ARHGAP32: variants seen among roughly 807,000 people sequenced by gnomAD.
ARHGAP32 encodes the protein rho GTPase-activating protein 32.
A neutral mutation model predicts 186.5 loss-of-function variants in ARHGAP32; 51 were observed. That is an observed-to-expected ratio of 0.27 (90% CI 0.22 to 0.35). ARHGAP32 has a LOEUF of 0.35. Ranked by LOEUF, ARHGAP32 falls within the 10% of genes least tolerant of loss-of-function variation. The probability of loss-of-function intolerance (pLI) is 1.00; values close to 1 mark genes in which losing one functional copy is unlikely to be tolerated. For synonymous variants in ARHGAP32, 950 were observed against 964.3 expected (o/e 0.99, Z 0.27); for missense variants, 2,186 against 2,623.5 (o/e 0.83, Z 3.64).
rs57291313 is a variant in ARHGAP32 at position 129,235,900 on chromosome 11, A to AACACACACACACAC, written c.-5+43232_-5+43245dup. Among the ~76,000 whole-genome samples, 855 of 145,740 alleles carry AACACACACACACAC rather than the reference A, an allele frequency of 5.9e-3. 9 individuals are homozygous for AACACACACACACAC. The highest frequency in any genetic ancestry group is 0.016 in the African/African-American group (627 of 38,862). On this transcript the variant is annotated intron_variant, in intron 1 of 6. Transcript: ENST00000525234. ...TGCAAATGCCATTATGTCATTCATA[A>AACACACACACACAC]ACACACACACACACACACACACACA...
At chr11:129,278,150 T>C (rs1945556511) in intron 1 of ARHGAP32, among the ~76,000 whole-genome samples, 1 of 152,172 alleles carries the variant, frequency 6.6e-6, no homozygotes, top group South Asian at 2.1e-4. Context: ...CAGACTGACT[T>C]AAAAGGTCTA....
At chr11:129,263,059 TAG>T (rs1945345758) in intron 1 of ARHGAP32, among the ~76,000 whole-genome samples, 2 of 152,144 alleles carry the variant, frequency 1.3e-5, no homozygotes. Flanking sequence ...AAAATGAAAT[TAG>T]AGTCTTACCT....
At chr11:128,980,791 G>C in intron 17 of ARHGAP32, 43 bp from the exon 18 acceptor site, 1 of 1,414,566 alleles carries the variant, frequency 7.1e-7, no homozygotes, top group African/African-American at 1.4e-5. Flanking sequence ...TCAACTACGT[G>C]AGTGTATTCA....
intron 11 of ARHGAP32, among the ~76,000 whole-genome samples, chr11:129,024,860 C>A (rs975661901): frequency 1.3e-5 from 2 of 152,052 alleles, no homozygotes; most frequent in Non-Finnish European, 2.9e-5. Flanking sequence ...CAATTCGTGA[C>A]TTTTTAAAGC....
Position 129,152,225 on chromosome 11 carries a change from G to A in ARHGAP32, c.225+12094C>T, listed in dbSNP as rs368558662. On this transcript the variant is annotated intron_variant, in intron 2 of 22. Transcript: ENST00000682385. ...GTCTGTTCAGAGTTCAACAAGTAGT[G>A]AGATTCAAACAGTAATTTTTAAAAT... Among the ~76,000 whole-genome samples the A allele has an allele frequency of 1.4e-4, 22 of 152,160 alleles. No homozygotes were observed. The East Asian group carries it at 4.0e-3, about 28-fold the overall frequency.
intron 2 of ARHGAP32, among the ~76,000 whole-genome samples, chr11:129,141,994 A>G (rs988420081): frequency 6.6e-6 from 1 of 152,156 alleles, no homozygotes; most frequent in African/African-American, 2.4e-5. Flanking sequence ...TATAACTACA[A>G]TGTGCAAAGC....
intron 1 of ARHGAP32, among the ~76,000 whole-genome samples, chr11:129,178,544 A>G (rs1470681345): frequency 2.6e-5 from 4 of 152,150 alleles, no homozygotes; most frequent in Non-Finnish European, 5.9e-5. Flanking sequence ...TTCAAACTAT[A>G]CTACAAGGCT....
At chr11:129,057,193 A>T (rs1940289595) in intron 10 of ARHGAP32, among the ~76,000 whole-genome samples, 2 of 152,012 alleles carry the variant, frequency 1.3e-5, no homozygotes, top group African/African-American at 2.4e-5. Context: ...CATATGCAAC[A>T]CTGTGCTCCA....
intron 1 of ARHGAP32, among the ~76,000 whole-genome samples, chr11:129,245,230 A>C (rs1224921668): frequency 7.2e-6 from 1 of 139,158 alleles, no homozygotes; most frequent in South Asian, 2.3e-4. Flanking sequence ...CTGGATTAAG[A>C]AAATGTGGCA....
Position 128,969,681 on chromosome 11 carries a change from C to T in ARHGAP32, c.5532G>A (p.Arg1844=). The T allele has an allele frequency of 3.1e-6, 5 of 1,614,130 alleles. No individual in the cohort carries two copies. The highest frequency in any genetic ancestry group is 1.1e-5 in the South Asian group (1 of 91,090). Residue 1844 remains arginine, a synonymous_variant, in exon 23 of 23, where the codon AGG becomes AGA. Coordinates refer to ENST00000682385, the MANE Select transcript of ARHGAP32 (RefSeq NM_001378024.1). This position sits in a 1 kb window ranked among gnomAD's most constrained non-coding sequence, Gnocchi z 4.8. ...CTCTGTCCATCTCTGCCTCGGGATG[C>T]CTCCTATAGAAGCGGTCCTCTCCCT... The part of the protein sequence containing the change: ...SPEGEDRFYR[R]HPEAEMDRAH...
intron 2 of ARHGAP32, among the ~76,000 whole-genome samples, chr11:129,157,481 AG>A (rs1469126992): frequency 6.6e-6 from 1 of 152,066 alleles, no homozygotes; most frequent in African/African-American, 2.4e-5. Context: ...AAGATACCAG[AG>A]ATTGAAGATC....
chr11:129,042,009 T>C lies in ARHGAP32; in HGVS notation c.964-1000A>G, dbSNP rs145621575. On this transcript the variant is annotated intron_variant, in intron 10 of 22. Coordinates refer to ENST00000682385, the MANE Select transcript of ARHGAP32 (RefSeq NM_001378024.1). ...CAAGTTCTGAGCTGTATAATTTCCA[T>C]CTGTGTGAAATTATTTTCACATACT... Among the ~76,000 whole-genome samples, 722 of 152,378 alleles carry C rather than the reference T, an allele frequency of 4.7e-3. 3 individuals are homozygous for C. Among genetic ancestry groups the C allele is most frequent in the South Asian group, 0.027 (130 of 4,830 alleles).
chr11:128,988,024 G>T lies in ARHGAP32; in HGVS notation c.1297C>A (p.Arg433Ser). The part of the protein sequence containing the change: ...SGVASNIQRL[R>S]HEFDSEHVPD... ...AAAAAGTGCCATATAAGATTTTACC[G>T]TAGTCTCTGGATATTGGAGGCAACA... is the stretch of plus-strand genomic sequence containing the variant. The change falls in exon 13 of 23, where the codon CGC (arginine) becomes AGC (serine). Residue 433 changes from arginine (R) to serine (S), a missense_variant and splice_region_variant. Coordinates refer to ENST00000682385, the MANE Select transcript of ARHGAP32 (RefSeq NM_001378024.1). 6.2e-7 allele frequency: 1 copy of T among 1,607,866 alleles called. No individual in the cohort carries two copies. Among genetic ancestry groups the T allele is most frequent in the Non-Finnish European group, 8.5e-7 (1 of 1,174,918 alleles).
intron 1 of ARHGAP32, among the ~76,000 whole-genome samples, chr11:129,184,293 G>A (rs1423455566): frequency 6.6e-6 from 1 of 152,080 alleles, no homozygotes; most frequent in Non-Finnish European, 1.5e-5. Flanking sequence ...AGGGGAAAGG[G>A]CAAAGAAGCG....
chr11:128,992,832 G>A (rs1368723057), intron 12 of ARHGAP32, among the ~76,000 whole-genome samples: 1 of 152,024 alleles, frequency 6.6e-6, no homozygotes, highest in Non-Finnish European at 1.5e-5. Context: ...TGACAAATCA[G>A]TATAATCTAT....
intron 11 of ARHGAP32, among the ~76,000 whole-genome samples, chr11:129,005,841 A>G (rs1937739146): frequency 6.6e-6 from 1 of 152,082 alleles, no homozygotes; most frequent in Admixed American, 6.5e-5. Context: ...TTCTACCCCT[A>G]TCTCTTTCTC....
intron 15 of ARHGAP32, 127 bp from the exon 16 acceptor site, chr11:128,982,063 G>T (rs1490871465): frequency 1.3e-5 from 7 of 547,744 alleles, no homozygotes; most frequent in African/African-American, 3.9e-5. Flanking sequence ...AAACCCAAGA[G>T]AACTTTTTTT....
intron 11 of ARHGAP32, among the ~76,000 whole-genome samples, chr11:129,039,702 C>A (rs890066642): frequency 6.6e-6 from 1 of 152,042 alleles, no homozygotes; most frequent in Non-Finnish European, 1.5e-5. Context: ...GCACGATATG[C>A]GAATTTTATC....
intron 12 of ARHGAP32, among the ~76,000 whole-genome samples, chr11:128,997,778 A>G (rs376690047): frequency 1.3e-5 from 2 of 152,206 alleles, no homozygotes; most frequent in African/African-American, 2.4e-5. Flanking sequence ...GTGGTGGCAC[A>G]TGCCTGTAGT....
Sources: allele counts gnomAD v4.1 joint callset (sites outside exome capture counted in the v4.1 genomes callset), GRCh38; gene constraint gnomAD v4.1.1; non-coding constraint Gnocchi (gnomAD v3.1); transcripts MANE v1.5; gene names NCBI Gene and HGNC (gene_info 2026-07-23, HGNC 2026-07-21).